RBM23: variants seen among roughly 807,000 people sequenced by gnomAD.
RBM23 encodes the protein RNA binding motif protein 23.
In RBM23, 53 loss-of-function variants were observed where a neutral mutation model predicts 56.2. That is an observed-to-expected ratio of 0.94 (90% CI 0.76 to 1.19). RBM23 has a LOEUF of 1.19. Ranked by LOEUF, RBM23 falls within the 50% of genes most tolerant of loss-of-function variation. RBM23 has a pLI of 0.00. For missense variants in RBM23, 642 were observed against 590.3 expected (o/e 1.09, Z -0.91); for synonymous variants, 197 against 198.5 (o/e 0.99, Z 0.06).
rs1463914708 is a variant in RBM23, at chr14:22,898,289, A to G, written c.*3441T>C. 2 of 152,238 alleles carry G rather than the reference A, an allele frequency of 1.3e-5. No individual in the cohort carries two copies. Among genetic ancestry groups the G allele is most frequent in the Admixed American group, 1.3e-4 (2 of 15,274 alleles). The allele number at this position is 152,238 out of a possible 1,614,324, so 9.4% of individuals were successfully genotyped here. A position where few individuals can be genotyped will look rare whatever the true frequency, so the allele number is the denominator to read the frequency against. ...GGAGGAAATGCTGCCACCTTAGTGA[A>G]TACAGAAGCATAGACTGGAAGTCAA... On this transcript the variant is annotated 3_prime_UTR_variant, in exon 14 of 14. Transcript: ENST00000359890.
rs2040688998 is a variant in RBM23 at position 22,902,335 on chromosome 14, C to A, written c.978G>T (p.Gly326=). ...CARRALEQLN[G]FELAGRPMRV... The stretch of plus-strand genomic sequence containing the variant: ...TCATAGGTCGACCAGCAAGCTCAAA[C>A]CCATTCAACTGTTCCAGGGCCCGCC... Residue 326 remains glycine, a synonymous_variant, in exon 11 of 14, where the codon GGG becomes GGT. Transcript: ENST00000359890. 3 of 1,614,094 alleles carry A rather than the reference C, an allele frequency of 1.9e-6. No individual in the cohort carries two copies. Among genetic ancestry groups the A allele is most frequent in the Non-Finnish European group, 2.5e-6 (3 of 1,179,980 alleles).
chr14:22,911,182 C>T, intron 2 of RBM23, 146 bp downstream of exon 2: 3 of 703,534 alleles, frequency 4.3e-6, no homozygotes, highest in Non-Finnish European at 7.3e-6. Context: ...GCAAAGCTTA[C>T]TAAGACTATG....
chr14:22,915,442 G>A (rs1239831518), intron 1 of RBM23, among the ~76,000 whole-genome samples: 3 of 150,514 alleles, frequency 2.0e-5, no homozygotes, highest in East Asian at 3.9e-4. Flanking sequence ...CAGGTGATCC[G>A]ACCGCCTCGC....
chr14:22,911,255 A>G, intron 2 of RBM23, 73 bp downstream of exon 2: 2 of 1,201,954 alleles, frequency 1.7e-6, no homozygotes, highest in South Asian at 2.5e-5. Context: ...TAAAATGTTG[A>G]AAGTTGAAAG....
chr14:22,902,318 C>T lies in RBM23; in HGVS notation c.995G>A (p.Arg332Gln), dbSNP rs574383191. 1.9e-4 allele frequency: 303 copies of T among 1,614,142 alleles called. 16 individuals carry two copies. In the South Asian group the frequency reaches 3.0e-3, roughly 16 times the overall value. ...AGTCACATGGCCAACCCTCATAGGT[C>T]GACCAGCAAGCTCAAACCCATTCAA... The part of the protein sequence containing the change: ...EQLNGFELAG[R>Q]PMRVGHVTER... Residue 332 changes from arginine (R) to glutamine (Q), a missense_variant, in exon 11 of 14, where the codon CGA becomes CAA. Arg to Gln is a conservative substitution (Grantham distance 43, BLOSUM62 1). Coordinates refer to ENST00000359890, the MANE Select transcript of RBM23 (RefSeq NM_001077351.2).
rs1365394831 is a variant in RBM23 at position 22,901,979 on chromosome 14, C to T, written c.1246+1G>A. ...CCTTCCTTTCCCATGTCCAAGACTA[C>T]CAGTCAGAGCTGCTGGATTCAGGGC... is the stretch of plus-strand genomic sequence containing the variant. On this transcript the variant is annotated splice_donor_variant, in intron 12 of 13. Transcript: ENST00000359890. LOFTEE classifies it high-confidence loss of function. 1.2e-6 allele frequency: 2 copies of T among 1,610,904 alleles called. No individual in the cohort carries two copies. The highest frequency in any genetic ancestry group is 2.2e-5 in the South Asian group (2 of 90,864).
Position 22,919,069 on chromosome 14 carries a change from C to G in RBM23, c.-81G>C, listed in dbSNP as rs551802991. The G allele has an allele frequency of 2.6e-5, 4 of 152,158 alleles. No individual in the cohort carries two copies. Among genetic ancestry groups the G allele is most frequent in the African/African-American group, 9.6e-5 (4 of 41,508 alleles). 9.4% of individuals were successfully genotyped at this position (152,158 alleles called of 1,614,324 possible). On this transcript the variant is annotated 5_prime_UTR_variant, in exon 1 of 14. Transcript: ENST00000359890. ...TGAGTATGTTGTGGGGAGTGGAGCTCGGATAGTTCCTAGAGTCTAGGCAAG... is the reference window on the plus strand; with the variant it reads ...TGAGTATGTTGTGGGGAGTGGAGCTGGGATAGTTCCTAGAGTCTAGGCAAG...
rs1179958478 is a variant in RBM23 at position 22,898,319 on chromosome 14, C to T, written c.*3411G>A. Reference sequence around the variant, plus strand: ...GAAGCATAGACTGGAAGTCAAAAATCAGGTGAGAATCTTTTCTAGAACTGA... The same window carrying T: ...GAAGCATAGACTGGAAGTCAAAAATTAGGTGAGAATCTTTTCTAGAACTGA... On this transcript the variant is annotated 3_prime_UTR_variant, in exon 14 of 14. Coordinates refer to ENST00000359890, the MANE Select transcript of RBM23 (RefSeq NM_001077351.2). 4 of 152,198 alleles carry T rather than the reference C, an allele frequency of 2.6e-5. No individual in the cohort carries two copies. The highest frequency in any genetic ancestry group is 5.9e-5 in the Non-Finnish European group (4 of 68,040). The allele number at this position is 152,198 out of a possible 1,614,324, so 9.4% of individuals were successfully genotyped here. A position where few individuals can be genotyped will look rare whatever the true frequency, so the allele number is the denominator to read the frequency against.
rs1208717734 is a variant in RBM23, at chr14:22,896,290, T to C, written c.*5440A>G. 3 of 152,224 alleles carry C rather than the reference T, an allele frequency of 2.0e-5. No individual in the cohort carries two copies. Among genetic ancestry groups the C allele is most frequent in the Non-Finnish European group, 4.4e-5 (3 of 68,054 alleles). The allele number at this position is 152,224 out of a possible 1,614,324, so 9.4% of individuals were successfully genotyped here. Reference sequence around the variant, plus strand: ...AGAAGTGAAGTAACCTACCCAAGCTTATTCAGCTAGTTTGTGAGGGAAGAG... The same window carrying C: ...AGAAGTGAAGTAACCTACCCAAGCTCATTCAGCTAGTTTGTGAGGGAAGAG... On this transcript the variant is annotated 3_prime_UTR_variant, in exon 14 of 14. Transcript: ENST00000359890.
Position 22,894,586 on chromosome 14 carries a change from G to T in RBM23, c.*7144C>A, listed in dbSNP as rs969018801. ...TTACAAAAATTAGCCAGGCATGGTG[G>T]TGGGTGCCTGTAATTCCAGCTACTC... On this transcript the variant is annotated 3_prime_UTR_variant, in exon 14 of 14. Transcript: ENST00000359890. The T allele has an allele frequency of 2.6e-5, 4 of 152,180 alleles. No individual in the cohort carries two copies. Among genetic ancestry groups the T allele is most frequent in the African/African-American group, 9.7e-5 (4 of 41,428 alleles). 9.4% of individuals were successfully genotyped at this position (152,180 alleles called of 1,614,324 possible).
Position 22,902,089 on chromosome 14 carries a change from G to C in RBM23, c.1137C>G (p.Ile379Met), listed in dbSNP as rs745780053. 1.2e-6 allele frequency: 2 copies of C among 1,609,514 alleles called. No homozygotes were observed. Among genetic ancestry groups the C allele is most frequent in the Admixed American group, 3.4e-5 (2 of 59,502 alleles). The change falls in exon 12 of 14, where the codon ATC (isoleucine) becomes ATG (methionine). Residue 379 changes from isoleucine to methionine, a missense_variant. Ile to Met is a conservative substitution (Grantham distance 10). Transcript: ENST00000359890. ...CAGCAGCAGCAGTGCTTGGCAGTTG[G>C]ATTCCAGCGCCTAAAAGGAAAAGAA... ...LMAKLAEGAG[I>M]QLPSTAAAAA...
At position 22,910,151 on chromosome 14, in the gene RBM23, CAAAAAAAAAAAA is replaced by C. The variant is rs532892000; in HGVS notation, c.67-568_67-557del. Among the ~76,000 whole-genome samples the C allele has an allele frequency of 2.8e-3, 46 of 16,704 alleles. 1 individual carries two copies. In the East Asian group the frequency reaches 0.044, roughly 16 times the overall value. 11.0% of individuals were successfully genotyped at this position (16,704 alleles called of 152,430 possible). On this transcript the variant is annotated intron_variant, in intron 2 of 13. Coordinates refer to ENST00000359890, the MANE Select transcript of RBM23 (RefSeq NM_001077351.2). ...TGGGCAGCCTAGTGAGACTCTGTCT[CAAAAAAAAAAAA>C]AAAAAAAAAAAAAAGAGGCTGGGCG...
At chr14:22,912,537 AC>A (rs777239701) in intron 1 of RBM23, among the ~76,000 whole-genome samples, 249 of 152,262 alleles carry the variant, frequency 1.6e-3, no homozygotes, top group Non-Finnish European at 3.1e-3. Context: ...AACAGAAAAT[AC>A]CAAAGAAAAC....
In RBM23 at chr14:22,905,650, A is replaced by G. The variant is rs1346887235; in HGVS notation, c.411T>C (p.Tyr137=). 19 of 1,606,898 alleles carry G rather than the reference A, an allele frequency of 1.2e-5. No homozygotes were observed. In the East Asian group the frequency reaches 2.0e-4, roughly 17 times the overall value. The change falls in exon 6 of 14, where the codon TAT becomes TAC. Residue 137 remains tyrosine, a synonymous_variant. Transcript: ENST00000359890. ...RSPPLATGYR[Y]GHSKSPHFRE... ...TGAAATGAGGACTCTTACTGTGTCC[A>G]TACCTATAACTAAAGAATAGAGAAA...
chr14:22,907,871 C>T (rs2041835736), intron 4 of RBM23, among the ~76,000 whole-genome samples: 1 of 151,662 alleles, frequency 6.6e-6, no homozygotes, highest in Non-Finnish European at 1.5e-5. Context: ...GTCTTTGTGT[C>T]GTAGTTTTCA....
chr14:22,902,354 G>A lies in RBM23; in HGVS notation c.959C>T (p.Ala320Val), dbSNP rs780869937. The A allele has an allele frequency of 6.2e-6, 10 of 1,613,450 alleles. No individual in the cohort carries two copies. The highest frequency in any genetic ancestry group is 5.5e-5 in the South Asian group (5 of 91,076). ...TFSDSECARR[A>V]LEQLNGFELA... ...CTCAAACCCATTCAACTGTTCCAGG[G>A]CCCGCCGGGCACACTCAGAATCAGA... The change falls in exon 11 of 14, where the codon GCC becomes GTC. Residue 320 changes from alanine to valine, a missense_variant. Transcript: ENST00000359890.
chr14:22,914,811 C>T (rs2043197070), intron 1 of RBM23, among the ~76,000 whole-genome samples: 1 of 151,762 alleles, frequency 6.6e-6, no homozygotes, highest in Admixed American at 6.6e-5. Flanking sequence ...GGTGAAACCT[C>T]ATCCCCATTA....
At chr14:22,913,087 G>A (rs2042855987) in intron 1 of RBM23, among the ~76,000 whole-genome samples, 1 of 146,520 alleles carries the variant, frequency 6.8e-6, no homozygotes, top group Admixed American at 6.9e-5. Flanking sequence ...AGGGATAGAA[G>A]TAAGGGGAAG....
chr14:22,893,825 C>G lies in RBM23; in HGVS notation c.*7905G>C, dbSNP rs560999500. 6.6e-6 allele frequency: 1 copy of G among 152,158 alleles called. No homozygotes were observed. Among genetic ancestry groups the G allele is most frequent in the Admixed American group, 6.5e-5 (1 of 15,284 alleles). 9.4% of individuals were successfully genotyped at this position (152,158 alleles called of 1,614,324 possible). ...TCTCGGTGACTCCCTGATGGATATG[C>G]TTAAGGTCCCTTTTCATCTATTTGA... On this transcript the variant is annotated 3_prime_UTR_variant, in exon 14 of 14. Transcript: ENST00000359890.
Sources: allele counts gnomAD v4.1 joint callset (sites outside exome capture counted in the v4.1 genomes callset), GRCh38; gene constraint gnomAD v4.1.1; transcripts MANE v1.5; gene names NCBI Gene and HGNC (gene_info 2026-07-23, HGNC 2026-07-21).